MACO1: variants seen among roughly 807,000 people sequenced by gnomAD.
The protein encoded by MACO1 is macoilin.
Under a neutral mutation model 78.7 loss-of-function variants are expected in MACO1, and 14 were observed. The ratio of observed to expected loss-of-function variants is 0.18; its 90% CI spans 0.12 to 0.28. The LOEUF is 0.28. Among genes scored for constraint, MACO1 ranks in the 10% least tolerant of loss-of-function variants. MACO1 has a pLI of 1.00. For missense variants in MACO1, 501 were observed against 799.0 expected (o/e 0.63, Z 4.50); for synonymous variants, 288 against 291.6 (o/e 0.99, Z 0.12).
At chr1:25,466,468 C>T (rs547970045) in intron 6 of MACO1, among the ~76,000 whole-genome samples, 4 of 152,258 alleles carry the variant, frequency 2.6e-5, no homozygotes, top group African/African-American at 9.6e-5. Flanking sequence ...CATGCACCAC[C>T]ATGCCCGGCT....
intron 2 of MACO1, among the ~76,000 whole-genome samples, chr1:25,447,249 T>C (rs2043024541): frequency 6.6e-6 from 1 of 152,030 alleles, no homozygotes; most frequent in Non-Finnish European, 1.5e-5. Context: ...TGCTTTGAAG[T>C]GTTTCTGGGT....
At chr1:25,445,872 G>A (rs1307137661) in intron 1 of MACO1, among the ~76,000 whole-genome samples, 3 of 152,128 alleles carry the variant, frequency 2.0e-5, no homozygotes, top group Admixed American at 1.3e-4. Flanking sequence ...AGGATTAGGA[G>A]CACAGAAATA....
At position 25,430,963 on chromosome 1, in the gene MACO1, C is replaced by G. The variant is rs972927126; in HGVS notation, c.-136C>G. 10 of 504,190 alleles carry G rather than the reference C, an allele frequency of 2.0e-5. No homozygotes were observed. Among genetic ancestry groups the G allele is most frequent in the East Asian group, 1.1e-4 (3 of 27,434 alleles). The allele number at this position is 504,190 out of a possible 1,614,324, so 31.2% of individuals were successfully genotyped here. ...CCCCTCCCCGTGCTACCCCCTCCCC[C>G]CGGGTGCTGGCTCCATGTCTGTGTG... is the stretch of plus-strand genomic sequence containing the variant. On this transcript the variant is annotated 5_prime_UTR_variant, in exon 1 of 11. Coordinates refer to ENST00000374343, the MANE Select transcript of MACO1 (RefSeq NM_018202.6).
intron 8 of MACO1, among the ~76,000 whole-genome samples, chr1:25,487,249 G>A (rs573836964): frequency 2.6e-5 from 4 of 152,134 alleles, no homozygotes; most frequent in South Asian, 2.1e-4. Context: ...TGCCACCCAG[G>A]TTCAAGCGAT....
chr1:25,447,997 A>G lies in MACO1; in HGVS notation c.223-811A>G, dbSNP rs145995290. Among the ~76,000 whole-genome samples, 682 of 152,296 alleles carry G rather than the reference A, an allele frequency of 4.5e-3. 5 individuals carry two copies. Among genetic ancestry groups the G allele is most frequent in the African/African-American group, 0.016 (655 of 41,556 alleles). On this transcript the variant is annotated intron_variant, in intron 2 of 10. Transcript: ENST00000374343. Reference sequence around the variant, plus strand: ...GTAGTGGTGTCCAGAGGAAAGCTGCATTATTAAAATTATTATTAGTTTGGT... The same window carrying G: ...GTAGTGGTGTCCAGAGGAAAGCTGCGTTATTAAAATTATTATTAGTTTGGT...
intron 6 of MACO1, among the ~76,000 whole-genome samples, chr1:25,480,872 A>C (rs1231151537): frequency 6.9e-6 from 1 of 144,426 alleles, no homozygotes; most frequent in African/African-American, 2.6e-5. Context: ...GGGAGATTGC[A>C]GTGAGCTGAG....
intron 6 of MACO1, among the ~76,000 whole-genome samples, chr1:25,465,571 G>A (rs35743255): frequency 6.6e-6 from 1 of 151,958 alleles, no homozygotes. Context: ...TTATATGCTT[G>A]TTTACCATCT....
intron 6 of MACO1, among the ~76,000 whole-genome samples, chr1:25,476,135 T>G (rs927915419): frequency 6.6e-6 from 1 of 152,280 alleles, no homozygotes; most frequent in African/African-American, 2.4e-5. Flanking sequence ...TGACTAGTTC[T>G]TGGCACTCAC....
Position 25,485,585 on chromosome 1 carries a change from A to T in MACO1, c.1314-28A>T. The T allele has an allele frequency of 2.5e-6, 4 of 1,596,656 alleles. No homozygotes were observed. Among genetic ancestry groups the T allele is most frequent in the Non-Finnish European group, 3.4e-6 (4 of 1,173,150 alleles). ...TATAGTGGGCATTTGTAATTTTAAG[A>T]CTTTATATGACAATCATTTCCATAT... On this transcript the variant is annotated intron_variant, in intron 7 of 10. Coordinates refer to ENST00000374343, the MANE Select transcript of MACO1 (RefSeq NM_018202.6). The surrounding 1 kb of genome is among the most constrained non-coding windows in gnomAD (Gnocchi z 4.3).
At chr1:25,496,403 C>T (rs1009487053) in intron 10 of MACO1, among the ~76,000 whole-genome samples, 1 of 152,180 alleles carries the variant, frequency 6.6e-6, no homozygotes, top group Non-Finnish European at 1.5e-5. Context: ...CCACCGCGGT[C>T]TCCCAAAGTG....
At chr1:25,477,810 C>T (rs1000178436) in intron 6 of MACO1, among the ~76,000 whole-genome samples, 6 of 152,194 alleles carry the variant, frequency 3.9e-5, no homozygotes, top group Non-Finnish European at 7.3e-5. Flanking sequence ...GACTTTTAAA[C>T]TTTCAGTGAA....
chr1:25,475,067 C>T (rs772798583), intron 6 of MACO1, among the ~76,000 whole-genome samples: 12 of 152,146 alleles, frequency 7.9e-5, no homozygotes, highest in African/African-American at 1.9e-4. Flanking sequence ...CATTCTCGGC[C>T]GGGCACTTGG....
chr1:25,438,179 A>C (rs895647232), intron 1 of MACO1, among the ~76,000 whole-genome samples: 2 of 152,206 alleles, frequency 1.3e-5, no homozygotes, highest in African/African-American at 4.8e-5. Context: ...TACTTTTAAC[A>C]GTGTGGAGTC....
intron 6 of MACO1, among the ~76,000 whole-genome samples, chr1:25,472,362 CT>C (rs1178586410): frequency 3.3e-5 from 5 of 152,040 alleles, no homozygotes; most frequent in Non-Finnish European, 7.4e-5. Context: ...TATCCCGCCC[CT>C]AGCCCCCCAC....
chr1:25,461,066 A>G (rs576961215), intron 6 of MACO1, among the ~76,000 whole-genome samples: 2 of 152,126 alleles, frequency 1.3e-5, no homozygotes, highest in East Asian at 3.9e-4. Context: ...TTGTAGGGAC[A>G]TGGATGAAAC....
intron 6 of MACO1, among the ~76,000 whole-genome samples, chr1:25,480,975 T>TATATATATA (rs2043372106): frequency 1.6e-4 from 20 of 128,212 alleles, no homozygotes; most frequent in Non-Finnish European, 2.3e-4. Flanking sequence ...TATATATATA[T>TATATATATA]TTCATGTTCT....
chr1:25,452,727 C>T (rs2043078319), intron 3 of MACO1, among the ~76,000 whole-genome samples: 2 of 146,838 alleles, frequency 1.4e-5, no homozygotes, highest in African/African-American at 2.5e-5. Flanking sequence ...GGCAGAGTCT[C>T]GCTCTGTTGC....
Position 25,485,384 on chromosome 1 carries a change from A to C in MACO1, c.1314-229A>C, listed in dbSNP as rs573983046. Among the ~76,000 whole-genome samples the C allele has an allele frequency of 6.6e-6, 1 of 152,292 alleles. No homozygotes were observed. The highest frequency in any genetic ancestry group is 1.9e-4 in the East Asian group (1 of 5,188). On this transcript the variant is annotated intron_variant, in intron 7 of 10. Transcript: ENST00000374343. The surrounding 1 kb of genome is among the most constrained non-coding windows in gnomAD (Gnocchi z 4.3). ...TGTAGATCACTTACTTGAACAGAGCAGAGGCTAGGTCTTAATCTCTGTTTT... is the reference window on the plus strand; with the variant it reads ...TGTAGATCACTTACTTGAACAGAGCCGAGGCTAGGTCTTAATCTCTGTTTT...
chr1:25,445,608 T>C (rs951034050), intron 1 of MACO1, among the ~76,000 whole-genome samples: 5 of 152,068 alleles, frequency 3.3e-5, no homozygotes, highest in African/African-American at 1.2e-4. Flanking sequence ...AAGTTCTTGC[T>C]TTTGTTTTTG....
Sources: allele counts gnomAD v4.1 joint callset (sites outside exome capture counted in the v4.1 genomes callset), GRCh38; gene constraint gnomAD v4.1.1; non-coding constraint Gnocchi (gnomAD v3.1); transcripts MANE v1.5; gene names NCBI Gene and HGNC (gene_info 2026-07-23, HGNC 2026-07-21).